FHL5: variants seen among roughly 807,000 people sequenced by gnomAD.
The protein encoded by FHL5 is four and a half LIM domains 5.
FHL5 carries 33 observed loss-of-function variants against 32.0 expected under a neutral mutation model. The ratio of observed to expected loss-of-function variants is 1.03; its 90% CI spans 0.78 to 1.38. FHL5 has a LOEUF of 1.38. Among genes scored for constraint, FHL5 ranks in the 40% most tolerant of loss-of-function variants. FHL5 has a pLI of 0.00. For missense variants in FHL5, 336 were observed against 343.9 expected, an observed-to-expected ratio of 0.98 and a Z score of 0.18; for synonymous variants, 114 against 113.6, an observed-to-expected ratio of 1.00 and a Z score of -0.02.
In FHL5 at chr6:96,567,545, C is replaced by T. The variant is rs146189142; in HGVS notation, c.-13+4190C>T. On this transcript the variant is annotated intron_variant, in intron 1 of 5. Coordinates refer to ENST00000450218, the MANE Select transcript of FHL5 (RefSeq NM_001322466.2). ...AAGAACATCACTGGTATTTTGATAA[C>T]ATTGCATTGAATTGGTAGATCACTT... Among the ~76,000 whole-genome samples the T allele has an allele frequency of 5.7e-3, 868 of 151,824 alleles. 7 individuals are homozygous for T. The highest frequency in any genetic ancestry group is 0.02 in the African/African-American group (825 of 41,502).
chr6:96,594,271 ATATG>A lies in FHL5; in HGVS notation c.-12-9319_-12-9316del, dbSNP rs1180581672. ...TATATATATATATATATATATATAT[ATATG>A]TATGTATGTATTTACTTCTTGAGGT... On this transcript the variant is annotated intron_variant, in intron 1 of 5. Coordinates refer to ENST00000450218, the MANE Select transcript of FHL5 (RefSeq NM_001322466.2). Among the ~76,000 whole-genome samples, 596 of 72,790 alleles carry A rather than the reference ATATG, an allele frequency of 8.2e-3. 4 individuals carry two copies. The highest frequency in any genetic ancestry group is 0.012 in the Non-Finnish European group (386 of 31,284). The allele number at this position is 72,790 out of a possible 152,430, so 47.8% of individuals were successfully genotyped here.
intron 1 of FHL5, among the ~76,000 whole-genome samples, chr6:96,594,968 T>C (rs549878551): frequency 1.3e-5 from 2 of 152,140 alleles, no homozygotes; most frequent in Admixed American, 1.3e-4. Flanking sequence ...TTATTATGTG[T>C]TTTTGAACCC....
chr6:96,596,227 C>T (rs978248285), intron 1 of FHL5, among the ~76,000 whole-genome samples: 1 of 152,052 alleles, frequency 6.6e-6, no homozygotes, highest in Admixed American at 6.6e-5. Context: ...GTTAACCTTT[C>T]TAGTTTCCTG....
At chr6:96,602,329 C>A (rs1771164682) in intron 1 of FHL5, among the ~76,000 whole-genome samples, 1 of 146,460 alleles carries the variant, frequency 6.8e-6, no homozygotes, top group African/African-American at 2.5e-5. Flanking sequence ...TGACAAATCT[C>A]ATTTTCCAAG....
At chr6:96,600,171 T>C (rs951124864) in intron 1 of FHL5, among the ~76,000 whole-genome samples, 1 of 152,234 alleles carries the variant, frequency 6.6e-6, no homozygotes, top group South Asian at 2.1e-4. Flanking sequence ...TCTTACCTTC[T>C]GCCTGCTCCA....
rs557956875 is a variant in FHL5, at chr6:96,617,392, A to C, written c.*1620A>C. Among the ~76,000 whole-genome samples the C allele has an allele frequency of 6.6e-6, 1 of 152,362 alleles. No individual in the cohort carries two copies. The highest frequency in any genetic ancestry group is 1.9e-4 in the East Asian group (1 of 5,188). On this transcript the variant is annotated 3_prime_UTR_variant, in exon 6 of 6. Coordinates refer to ENST00000450218, the MANE Select transcript of FHL5 (RefSeq NM_001322466.2). ...GAGATTCAATTAAAATTGTTATGGA[A>C]ATAATTTTTGAAATAGTTTAAAATG...
chr6:96,611,514 A>T (rs1450494599), intron 5 of FHL5, among the ~76,000 whole-genome samples: 1 of 152,224 alleles, frequency 6.6e-6, no homozygotes, highest in Non-Finnish European at 1.5e-5. Flanking sequence ...AACTAGCATG[A>T]CACTTGAGAA....
intron 1 of FHL5, among the ~76,000 whole-genome samples, chr6:96,590,751 A>C (rs1201195741): frequency 3.9e-5 from 6 of 152,086 alleles, no homozygotes; most frequent in African/African-American, 1.4e-4. Context: ...ACATTGAAGA[A>C]GTTTCTTTCA....
intron 1 of FHL5, among the ~76,000 whole-genome samples, chr6:96,601,075 C>T (rs1244306787): frequency 6.6e-6 from 1 of 152,232 alleles, no homozygotes; most frequent in Non-Finnish European, 1.5e-5. Flanking sequence ...GTGGCTCACG[C>T]CTGTAATCCC....
At chr6:96,588,301 C>T (rs1770842790) in intron 1 of FHL5, among the ~76,000 whole-genome samples, 1 of 152,198 alleles carries the variant, frequency 6.6e-6, no homozygotes, top group Non-Finnish European at 1.5e-5. Flanking sequence ...ACCTCCACCT[C>T]CCAGGTTCAA....
chr6:96,612,140 A>G (rs1051062346), intron 5 of FHL5, among the ~76,000 whole-genome samples: 2 of 152,182 alleles, frequency 1.3e-5, no homozygotes, highest in Middle Eastern at 3.2e-3. Flanking sequence ...AACTTGCCTT[A>G]GCAATCCCAC....
intron 4 of FHL5, among the ~76,000 whole-genome samples, chr6:96,606,465 TC>T (rs2127973620): frequency 6.6e-6 from 1 of 152,186 alleles, no homozygotes; most frequent in East Asian, 1.9e-4. Context: ...GATTCTCATG[TC>T]TCAGCCTTCC....
At chr6:96,589,522 T>A (rs1251434625) in intron 1 of FHL5, among the ~76,000 whole-genome samples, 1 of 152,096 alleles carries the variant, frequency 6.6e-6, no homozygotes, top group Non-Finnish European at 1.5e-5. Context: ...TTTTGTACTT[T>A]TATTGGGTGG....
intron 1 of FHL5, among the ~76,000 whole-genome samples, chr6:96,602,426 CTTTTTTTTTTTTTTTTTTT>C (rs1168636713): frequency 6.2e-4 from 21 of 33,704 alleles, no homozygotes; most frequent in South Asian, 1.4e-3. Flanking sequence ...TGCGTTGTTT[CTTTTTTTTTTTTTTTTTTT>C]TTTTTTTTTT....
chr6:96,602,073 C>T (rs1458057887), intron 1 of FHL5, among the ~76,000 whole-genome samples: 1 of 152,158 alleles, frequency 6.6e-6, no homozygotes, highest in African/African-American at 2.4e-5. Flanking sequence ...TATAGCAAAA[C>T]TGCTATGTAC....
chr6:96,602,426 CTTTTTTTTTTTTTTTTTT>C (rs1168636713), intron 1 of FHL5, among the ~76,000 whole-genome samples: 22 of 33,682 alleles, frequency 6.5e-4, no homozygotes, highest in South Asian at 2.8e-3. Flanking sequence ...TGCGTTGTTT[CTTTTTTTTTTTTTTTTTT>C]TTTTTTTTTT....
Position 96,618,322 on chromosome 6 carries a change from A to C in FHL5, c.*2550A>C, listed in dbSNP as rs560192146. On this transcript the variant is annotated 3_prime_UTR_variant, in exon 6 of 6. Coordinates refer to ENST00000450218, the MANE Select transcript of FHL5 (RefSeq NM_001322466.2). Reference sequence around the variant, plus strand: ...AGGAAAGAAGTTAAAAGCAAATCCCATGTGCCAATAACAACCAGATGGCTT... The same window carrying C: ...AGGAAAGAAGTTAAAAGCAAATCCCCTGTGCCAATAACAACCAGATGGCTT... Among the ~76,000 whole-genome samples the C allele has an allele frequency of 6.6e-6, 1 of 152,348 alleles. No homozygotes were observed. The highest frequency in any genetic ancestry group is 1.9e-4 in the East Asian group (1 of 5,186).
intron 1 of FHL5, among the ~76,000 whole-genome samples, chr6:96,568,325 T>G (rs922720344): frequency 1.3e-5 from 2 of 151,934 alleles, no homozygotes; most frequent in Non-Finnish European, 2.9e-5. Flanking sequence ...ACCTACATGG[T>G]GAATAATCTC....
chr6:96,610,643 T>C lies in FHL5; in HGVS notation c.576T>C (p.Cys192=). Residue 192 remains cysteine, a synonymous_variant, in exon 5 of 6, where the codon TGT becomes TGC. Coordinates refer to ENST00000450218, the MANE Select transcript of FHL5 (RefSeq NM_001322466.2). ...AAGAGTGTTTTCTGTGTAGTGGCTG[T>C]AGGAAAGATCTCTGTGAAGAACAGT... The part of the protein sequence containing the change: ...WHKECFLCSG[C]RKDLCEEQFM... 1 of 1,613,694 alleles carries C rather than the reference T, an allele frequency of 6.2e-7. No homozygotes were observed. Among genetic ancestry groups the C allele is most frequent in the Non-Finnish European group, 8.5e-7 (1 of 1,179,616 alleles).
Sources: gnomAD v4.1 joint callset for allele counts (sites outside exome capture counted in the v4.1 genomes callset) on GRCh38, gnomAD v4.1.1 for gene constraint, MANE v1.5 for transcripts, NCBI Gene and HGNC (gene_info 2026-07-23, HGNC 2026-07-21) for gene names.